The following EPHB1 variants were observed in gnomAD, a reference collection of about 807,000 sequenced individuals.
EPHB1 encodes the protein ephrin type-B receptor 1.
Under a neutral mutation model 94.4 loss-of-function variants are expected in EPHB1, and 30 were observed. The ratio of observed to expected loss-of-function variants is 0.32; its 90% CI spans 0.24 to 0.43. EPHB1 has a LOEUF of 0.43. Ranked by LOEUF, EPHB1 falls within the 20% of genes least tolerant of loss-of-function variation. The pLI is 1.00. For missense variants in EPHB1, 1,055 were observed against 1,308.3 expected (o/e 0.81, Z 2.99); for synonymous variants, 522 against 489.1 (o/e 1.07, Z -0.89).
At chr3:135,081,975 G>A (rs980964043) in intron 3 of EPHB1, among the ~76,000 whole-genome samples, 3 of 151,906 alleles carry the variant, frequency 2.0e-5, no homozygotes, top group Admixed American at 6.6e-5. Flanking sequence ...CAGATGGAAC[G>A]GCAGCAGGAG....
At chr3:135,184,051 T>C (rs774603880) in intron 10 of EPHB1, among the ~76,000 whole-genome samples, 8 of 152,150 alleles carry the variant, frequency 5.3e-5, no homozygotes, top group Non-Finnish European at 8.8e-5. Flanking sequence ...GGCTTTGAGA[T>C]GGTTGATGCT....
chr3:135,234,253 G>T (rs1478027343), intron 12 of EPHB1, among the ~76,000 whole-genome samples: 1 of 152,122 alleles, frequency 6.6e-6, no homozygotes, highest in Non-Finnish European at 1.5e-5. Context: ...GACCTCTAGG[G>T]CAGGGGCAAA....
At chr3:134,918,787 T>C (rs1302074530) in intron 1 of EPHB1, among the ~76,000 whole-genome samples, 1 of 152,234 alleles carries the variant, frequency 6.6e-6, no homozygotes, top group Non-Finnish European at 1.5e-5. Flanking sequence ...GTTCAGATAA[T>C]GATGCAATGA....
chr3:134,921,035 C>T (rs1007947342), intron 1 of EPHB1, among the ~76,000 whole-genome samples: 3 of 152,146 alleles, frequency 2.0e-5, no homozygotes, highest in Admixed American at 2.0e-4. Flanking sequence ...AGGTGCACGC[C>T]ACAGTACCTG....
At chr3:134,940,826 A>AT (rs1207198345) in intron 2 of EPHB1, among the ~76,000 whole-genome samples, 1 of 152,166 alleles carries the variant, frequency 6.6e-6, no homozygotes, top group African/African-American at 2.4e-5. Flanking sequence ...GCGGACAGGG[A>AT]TTTTGTCTCT....
intron 3 of EPHB1, among the ~76,000 whole-genome samples, chr3:135,062,634 GCTGT>G (rs1419643946): frequency 1.3e-5 from 2 of 152,174 alleles, no homozygotes; most frequent in Non-Finnish European, 2.9e-5. Flanking sequence ...CACTCTGTGG[GCTGT>G]CTGTTTACTC....
intron 1 of EPHB1, among the ~76,000 whole-genome samples, chr3:134,881,978 G>T (rs528799419): frequency 6.6e-6 from 1 of 152,166 alleles, no homozygotes; most frequent in Admixed American, 6.5e-5. Flanking sequence ...TTCATGGAAT[G>T]AAATGATAAT....
intron 15 of EPHB1, among the ~76,000 whole-genome samples, chr3:135,254,959 C>G (rs1933308427): frequency 6.6e-6 from 1 of 152,178 alleles, no homozygotes; most frequent in South Asian, 2.1e-4. Flanking sequence ...GTGCATGTGT[C>G]AAGGAATTTA....
chr3:135,065,811 A>C (rs1937573452), intron 3 of EPHB1, among the ~76,000 whole-genome samples: 1 of 152,196 alleles, frequency 6.6e-6, no homozygotes, highest in East Asian at 1.9e-4. Flanking sequence ...TTTATGGTTT[A>C]AAGAGGTTCT....
rs148160960 is a variant in EPHB1, at chr3:134,975,687, A to C, written c.805+23635A>C. ...TTTACATCTCACTTTATGGATAAGG[A>C]GTCATTATAGGCATAGGTTAAAGTT... On this transcript the variant is annotated intron_variant, in intron 3 of 15. Coordinates refer to ENST00000398015, the MANE Select transcript of EPHB1 (RefSeq NM_004441.5). Among the ~76,000 whole-genome samples the C allele has an allele frequency of 2.5e-3, 384 of 152,218 alleles. 1 individual carries two copies. Among genetic ancestry groups the C allele is most frequent in the African/African-American group, 8.9e-3 (368 of 41,526 alleles).
chr3:134,837,878 C>G (rs2036702690), intron 1 of EPHB1, among the ~76,000 whole-genome samples: 1 of 152,166 alleles, frequency 6.6e-6, no homozygotes, highest in Non-Finnish European at 1.5e-5. Context: ...AAGATGCACT[C>G]TAGATAAGCA....
chr3:134,907,222 A>G (rs187039627), intron 1 of EPHB1, among the ~76,000 whole-genome samples: 75 of 152,330 alleles, frequency 4.9e-4, no homozygotes, highest in Non-Finnish European at 4.9e-4. Flanking sequence ...CCAGTGCCAC[A>G]TTGCCATTAT....
chr3:134,930,711 G>C (rs1301752789), intron 2 of EPHB1, among the ~76,000 whole-genome samples: 2 of 152,170 alleles, frequency 1.3e-5, no homozygotes, highest in Non-Finnish European at 2.9e-5. Flanking sequence ...ATGCTCCCTG[G>C]CCTCCCTACT....
chr3:135,247,394 G>A (rs1943951841), intron 13 of EPHB1, among the ~76,000 whole-genome samples: 1 of 152,060 alleles, frequency 6.6e-6, no homozygotes, highest in Non-Finnish European at 1.5e-5. Context: ...ATTACTTTAA[G>A]GCCTACATTG....
intron 3 of EPHB1, among the ~76,000 whole-genome samples, chr3:135,096,434 C>G (rs1050593181): frequency 5.3e-5 from 8 of 152,206 alleles, no homozygotes; most frequent in Non-Finnish European, 8.8e-5. Flanking sequence ...ATTACTGAGT[C>G]ACATCTCCAG....
chr3:135,048,307 CTGGAG>C (rs1434317084), intron 3 of EPHB1, among the ~76,000 whole-genome samples: 1 of 114,926 alleles, frequency 8.7e-6, no homozygotes, highest in Non-Finnish European at 1.6e-5. Context: ...CTCTTCCAGG[CTGGAG>C]TGCAGTGGCA....
intron 3 of EPHB1, among the ~76,000 whole-genome samples, chr3:135,053,897 C>T (rs555512772): frequency 4.5e-4 from 68 of 151,952 alleles, no homozygotes; most frequent in African/African-American, 1.5e-3. Flanking sequence ...GAGGCTAAGG[C>T]GGGAGGATAG....
intron 1 of EPHB1, among the ~76,000 whole-genome samples, chr3:134,802,013 G>A (rs1323914986): frequency 6.6e-6 from 1 of 152,236 alleles, no homozygotes; most frequent in Non-Finnish European, 1.5e-5. Context: ...CAAGTGCACA[G>A]TTAGCTCTGT....
chr3:135,073,060 A>C (rs888570509), intron 3 of EPHB1, among the ~76,000 whole-genome samples: 7 of 152,056 alleles, frequency 4.6e-5, no homozygotes, highest in African/African-American at 1.7e-4. Flanking sequence ...AGAACTTTCT[A>C]TAGGCTCTCA....
Sources: allele counts gnomAD v4.1 joint callset (sites outside exome capture counted in the v4.1 genomes callset), GRCh38; gene constraint gnomAD v4.1.1; transcripts MANE v1.5; gene names NCBI Gene and HGNC (gene_info 2026-07-23, HGNC 2026-07-21).